The following ERC2 variants were observed in gnomAD, a reference collection of about 807,000 sequenced individuals.
The protein encoded by ERC2 is ERC protein 2.
In ERC2, 42 loss-of-function variants were observed where a neutral mutation model predicts 114.8. That is an observed-to-expected ratio of 0.37 (90% confidence interval 0.29 to 0.47). The LOEUF is 0.47. Ranked by LOEUF, ERC2 falls within the 20% of genes least tolerant of loss-of-function variation. ERC2 has a pLI of 0.99. For missense variants in ERC2, 939 were observed against 1,150.7 expected, an observed-to-expected ratio of 0.82 and a Z score of 2.66; for synonymous variants, 454 against 425.5, an observed-to-expected ratio of 1.07 and a Z score of -0.82.
chr3:55,902,999 G>A (rs1284941240), intron 13 of ERC2, among the ~76,000 whole-genome samples: 1 of 152,250 alleles, frequency 6.6e-6, no homozygotes. Flanking sequence ...CTTGATTCAT[G>A]GAAACATTCA....
At chr3:55,921,726 C>G (rs543002676) in intron 13 of ERC2, among the ~76,000 whole-genome samples, 1 of 152,082 alleles carries the variant, frequency 6.6e-6, no homozygotes, top group South Asian at 2.1e-4. Flanking sequence ...TGAATGTAGT[C>G]CATATATGGA....
intron 3 of ERC2, among the ~76,000 whole-genome samples, chr3:56,258,896 T>C (rs1424354940): frequency 6.6e-6 from 1 of 152,204 alleles, no homozygotes; most frequent in Non-Finnish European, 1.5e-5. Context: ...GTAGTTAATA[T>C]AGGAAAATTG....
chr3:55,784,055 T>C (rs1222334821), intron 14 of ERC2, among the ~76,000 whole-genome samples: 1 of 152,236 alleles, frequency 6.6e-6, no homozygotes, highest in Non-Finnish European at 1.5e-5. Context: ...GTACTTGTTA[T>C]AGTAGATGAA....
intron 7 of ERC2, among the ~76,000 whole-genome samples, 166 bp from the exon 8 acceptor site, chr3:56,019,197 C>T (rs529626039): frequency 6.6e-6 from 1 of 152,286 alleles, no homozygotes; most frequent in Admixed American, 6.5e-5. Context: ...ATCTTCATTT[C>T]TCCATTTAGT....
chr3:55,629,243 G>A (rs2059645919), intron 17 of ERC2, among the ~76,000 whole-genome samples: 1 of 152,202 alleles, frequency 6.6e-6, no homozygotes. Context: ...CCTAGGGAGT[G>A]GGGTGGCAGA....
intron 2 of ERC2, among the ~76,000 whole-genome samples, chr3:56,425,049 C>T (rs2061514207): frequency 6.6e-6 from 1 of 152,160 alleles, no homozygotes; most frequent in Non-Finnish European, 1.5e-5. Context: ...GTAAGGACAG[C>T]TCAAGTCAAG....
At chr3:56,445,488 C>T (rs568897696) in intron 1 of ERC2, among the ~76,000 whole-genome samples, 1 of 152,290 alleles carries the variant, frequency 6.6e-6, no homozygotes, top group Admixed American at 6.5e-5. Flanking sequence ...CTCCTCTTAT[C>T]GTCCTCTACT....
At chr3:55,721,562 G>A (rs1874311) in intron 15 of ERC2, among the ~76,000 whole-genome samples, 82,508 of 152,100 alleles carry the variant, frequency 0.54, 22,778 homozygotes, top group South Asian at 0.69. Context: ...GGGGAACTGA[G>A]CCTGTGAGAG....
At chr3:56,050,699 T>C (rs1013505671) in intron 7 of ERC2, among the ~76,000 whole-genome samples, 1 of 152,178 alleles carries the variant, frequency 6.6e-6, no homozygotes, top group Admixed American at 6.5e-5. Context: ...TACTGCTTCA[T>C]CATACTCCCT....
chr3:55,805,723 T>A (rs925383141), intron 14 of ERC2, among the ~76,000 whole-genome samples: 6 of 152,088 alleles, frequency 3.9e-5, no homozygotes, highest in African/African-American at 1.4e-4. Flanking sequence ...GATTCTAGAT[T>A]TGGAAAACCC....
chr3:56,256,840 G>T (rs185483687), intron 3 of ERC2, among the ~76,000 whole-genome samples: 59 of 152,194 alleles, frequency 3.9e-4, no homozygotes, highest in Non-Finnish European at 6.6e-4. Context: ...TGTGAATAAG[G>T]TGCCTGCTTC....
chr3:56,340,190 T>G (rs551570259), intron 2 of ERC2, among the ~76,000 whole-genome samples: 1 of 152,196 alleles, frequency 6.6e-6, no homozygotes, highest in Non-Finnish European at 1.5e-5. Flanking sequence ...TTGGGAGTAA[T>G]CTGTTTTGAC....
At chr3:56,075,442 C>T (rs2149742021) in intron 7 of ERC2, among the ~76,000 whole-genome samples, 1 of 152,282 alleles carries the variant, frequency 6.6e-6, no homozygotes, top group South Asian at 2.1e-4. Context: ...TTGATCATCC[C>T]CAATCTGGTT....
At chr3:56,444,844 C>T (rs2062488128) in intron 1 of ERC2, among the ~76,000 whole-genome samples, 1 of 151,992 alleles carries the variant, frequency 6.6e-6, no homozygotes, top group Non-Finnish European at 1.5e-5. Context: ...TTAAAATATC[C>T]TTTTTTTTCT....
At chr3:55,874,557 A>C (rs1234701811) in intron 14 of ERC2, among the ~76,000 whole-genome samples, 1 of 151,460 alleles carries the variant, frequency 6.6e-6, no homozygotes, top group Non-Finnish European at 1.5e-5. Context: ...ATATTCTAAC[A>C]CTTGTTAGAA....
intron 14 of ERC2, among the ~76,000 whole-genome samples, chr3:55,801,669 A>G (rs2071062316): frequency 1.3e-5 from 2 of 152,256 alleles, no homozygotes; most frequent in South Asian, 4.1e-4. Flanking sequence ...TCTCGAAGTG[A>G]GCACAGGAGC....
chr3:55,930,730 C>T (rs1044842527), intron 13 of ERC2, among the ~76,000 whole-genome samples: 13 of 152,108 alleles, frequency 8.5e-5, no homozygotes, highest in East Asian at 3.8e-4. Context: ...AAAGCAATGG[C>T]GACAAAAGCC....
intron 3 of ERC2, among the ~76,000 whole-genome samples, chr3:56,174,896 T>G (rs1211020241): frequency 6.6e-6 from 1 of 151,644 alleles, no homozygotes; most frequent in African/African-American, 2.4e-5. Context: ...GAGAATCCCT[T>G]GAACCAGGGA....
chr3:55,786,467 T>C (rs752197037), intron 14 of ERC2, among the ~76,000 whole-genome samples: 2 of 152,224 alleles, frequency 1.3e-5, no homozygotes, highest in African/African-American at 4.8e-5. Flanking sequence ...GGTGTGTACA[T>C]GAGGCTCCCT....
Sources: allele counts gnomAD v4.1 joint callset (sites outside exome capture counted in the v4.1 genomes callset), GRCh38; gene constraint gnomAD v4.1.1; transcripts MANE v1.5; gene names NCBI Gene and HGNC (gene_info 2026-07-23, HGNC 2026-07-21).